The following CAMTA1 variants were observed in gnomAD, a reference collection of about 807,000 sequenced individuals.
The protein encoded by CAMTA1 is calmodulin-binding transcription activator 1.
Under a neutral mutation model 170.9 loss-of-function variants are expected in CAMTA1, and 27 were observed. That is an observed-to-expected ratio of 0.16 (90% CI 0.12 to 0.22). The LOEUF is 0.22. Among genes scored for constraint, CAMTA1 ranks in the 10% least tolerant of loss-of-function variants. The probability of loss-of-function intolerance (pLI) is 1.00; values close to 1 mark genes in which losing one functional copy is unlikely to be tolerated. For synonymous variants in CAMTA1, 833 were observed against 891.5 expected (o/e 0.93, Z 1.17); for missense variants, 1,619 against 2,217.2 (o/e 0.73, Z 5.42).
rs570863093 is a variant in CAMTA1 at position 7,680,736 on chromosome 1, T to C, written c.2914+3003T>C. ...CCCCTCTGCCATGCGCGGGGGAAAA[T>C]GTTTGAGGGCGGGGAAGAGACTGTC... On this transcript the variant is annotated intron_variant, in intron 11 of 22. Coordinates refer to ENST00000303635, the MANE Select transcript of CAMTA1 (RefSeq NM_015215.4). This position sits in a 1 kb window ranked among gnomAD's most constrained non-coding sequence, Gnocchi z 4.4. 3.8e-4 allele frequency among the ~76,000 whole-genome samples: 57 copies of C among 150,880 alleles called. No individual in the cohort carries two copies. Among genetic ancestry groups the C allele is most frequent in the Middle Eastern group, 7.0e-3 (2 of 286 alleles).
chr1:7,692,180 C>T (rs1353310385), intron 11 of CAMTA1, among the ~76,000 whole-genome samples: 4 of 152,144 alleles, frequency 2.6e-5, no homozygotes, highest in African/African-American at 9.7e-5. Flanking sequence ...GAACAAGCTC[C>T]AGGCAAATGA....
intron 6 of CAMTA1, among the ~76,000 whole-genome samples, chr1:7,583,073 A>G (rs2095275247): frequency 6.6e-6 from 1 of 152,066 alleles, no homozygotes; most frequent in Non-Finnish European, 1.5e-5. Flanking sequence ...CCAGAAGGTG[A>G]GGCTGAGGAC....
chr1:7,230,701 A>T (rs1171102897), intron 4 of CAMTA1, among the ~76,000 whole-genome samples: 2 of 152,178 alleles, frequency 1.3e-5, no homozygotes, highest in Non-Finnish European at 2.9e-5. Flanking sequence ...GATCTGGGAA[A>T]GCATCCTTAT....
chr1:7,420,928 C>T (rs2091520535), intron 5 of CAMTA1, among the ~76,000 whole-genome samples: 1 of 152,164 alleles, frequency 6.6e-6, no homozygotes, highest in Non-Finnish European at 1.5e-5. Context: ...TGGACATTCT[C>T]TGGGATCCTG....
intron 3 of CAMTA1, among the ~76,000 whole-genome samples, chr1:6,949,949 T>C (rs1484552548): frequency 1.3e-5 from 2 of 152,102 alleles, no homozygotes; most frequent in East Asian, 3.9e-4. Flanking sequence ...CTCAGATGCG[T>C]GGGTCATGCT....
At chr1:6,788,897 C>T (rs983614168) in intron 1 of CAMTA1, among the ~76,000 whole-genome samples, 4 of 152,118 alleles carry the variant, frequency 2.6e-5, no homozygotes, top group African/African-American at 7.2e-5. Flanking sequence ...TTTCCTTTTA[C>T]CTTGTAGTGC....
intron 4 of CAMTA1, among the ~76,000 whole-genome samples, chr1:7,169,247 T>C (rs961796994): frequency 6.6e-6 from 1 of 152,198 alleles, no homozygotes; most frequent in Admixed American, 6.5e-5. Flanking sequence ...TCTATATTTC[T>C]TTTCTCATGA....
At chr1:6,891,805 G>A (rs1674554532) in intron 3 of CAMTA1, among the ~76,000 whole-genome samples, 1 of 152,170 alleles carries the variant, frequency 6.6e-6, no homozygotes, top group Non-Finnish European at 1.5e-5. Flanking sequence ...AATAGTAGCA[G>A]CTCAGATTTT....
chr1:7,492,898 TACACACGTGCAC>T (rs1383887831), intron 6 of CAMTA1, among the ~76,000 whole-genome samples: 4 of 125,272 alleles, frequency 3.2e-5, no homozygotes, highest in Non-Finnish European at 6.8e-5. Flanking sequence ...CAAACCTACA[TACACACGTGCAC>T]ACACACAAAC....
At position 7,065,855 on chromosome 1, in the gene CAMTA1, A is replaced by C. The variant is rs1157126761; in HGVS notation, c.235-25449A>C. Reference sequence around the variant, plus strand: ...AAGGCATGTTTATCTATTCCCTTACATTGTGAAAGAGTAAAGCAGTCTTAA... The same window carrying C: ...AAGGCATGTTTATCTATTCCCTTACCTTGTGAAAGAGTAAAGCAGTCTTAA... On this transcript the variant is annotated intron_variant, in intron 3 of 22. Coordinates refer to ENST00000303635, the MANE Select transcript of CAMTA1 (RefSeq NM_015215.4). The surrounding 1 kb of genome is among the most constrained non-coding windows in gnomAD (Gnocchi z 5.2). 6.6e-6 allele frequency among the ~76,000 whole-genome samples: 1 copy of C among 152,170 alleles called. No homozygotes were observed. Among genetic ancestry groups the C allele is most frequent in the Non-Finnish European group, 1.5e-5 (1 of 68,028 alleles).
chr1:6,865,143 T>C (rs1032200605), intron 3 of CAMTA1, among the ~76,000 whole-genome samples: 1 of 152,220 alleles, frequency 6.6e-6, no homozygotes, highest in Non-Finnish European at 1.5e-5. Context: ...GAAAACACTC[T>C]TCATTTTTAG....
At chr1:7,498,820 G>A (rs1205423811) in intron 6 of CAMTA1, among the ~76,000 whole-genome samples, 5 of 151,184 alleles carry the variant, frequency 3.3e-5, no homozygotes, top group East Asian at 2.0e-4. Flanking sequence ...TGTGTAGAGA[G>A]GATGGTGTGA....
intron 3 of CAMTA1, among the ~76,000 whole-genome samples, chr1:6,943,003 T>C (rs1030479914): frequency 9.2e-5 from 14 of 152,068 alleles, no homozygotes; most frequent in Non-Finnish European, 1.8e-4. Context: ...CTTCCAGTGA[T>C]TTCTGTTGGG....
chr1:7,712,960 T>A (rs555147557), intron 11 of CAMTA1, among the ~76,000 whole-genome samples: 1 of 152,240 alleles, frequency 6.6e-6, no homozygotes, highest in East Asian at 1.9e-4. Flanking sequence ...AAATCCACCC[T>A]CATGATTCAG....
At chr1:7,406,203 C>A (rs996187472) in intron 5 of CAMTA1, among the ~76,000 whole-genome samples, 1 of 152,246 alleles carries the variant, frequency 6.6e-6, no homozygotes, top group African/African-American at 2.4e-5. Flanking sequence ...TGGGCAATGT[C>A]CTGGGCATGG....
intron 16 of CAMTA1, among the ~76,000 whole-genome samples, chr1:7,739,950 A>G (rs899577993): frequency 6.6e-6 from 1 of 151,970 alleles, no homozygotes; most frequent in Non-Finnish European, 1.5e-5. Flanking sequence ...CGACCACTGC[A>G]GTTTCCCTAC....
intron 4 of CAMTA1, among the ~76,000 whole-genome samples, chr1:7,140,949 T>C (rs1645854552): frequency 6.6e-6 from 1 of 152,246 alleles, no homozygotes; most frequent in Non-Finnish European, 1.5e-5. Context: ...ATCCCCACTC[T>C]CTGCTACCTT....
At chr1:7,469,791 G>T (rs1179434020) in intron 6 of CAMTA1, among the ~76,000 whole-genome samples, 1 of 152,216 alleles carries the variant, frequency 6.6e-6, no homozygotes, top group Non-Finnish European at 1.5e-5. Flanking sequence ...CCATTGGGCA[G>T]CCACGAGGTC....
intron 3 of CAMTA1, among the ~76,000 whole-genome samples, chr1:6,855,255 A>G (rs1661858146): frequency 6.6e-6 from 1 of 152,080 alleles, no homozygotes; most frequent in South Asian, 2.1e-4. Context: ...AACCAGTTGT[A>G]TTAGTTTGTC....
Sources: gnomAD v4.1 joint callset for allele counts (sites outside exome capture counted in the v4.1 genomes callset) on GRCh38, gnomAD v4.1.1 for gene constraint, Gnocchi (gnomAD v3.1) non-coding constraint, MANE v1.5 for transcripts, NCBI Gene and HGNC (gene_info 2026-07-23, HGNC 2026-07-21) for gene names.